The following GABRR3 variants were observed in gnomAD, a reference collection of about 807,000 sequenced individuals.
The protein encoded by GABRR3 is gamma-aminobutyric acid receptor subunit rho-3.
GABRR3 carries 29 observed loss-of-function variants against 43.2 expected under a neutral mutation model. That is an observed-to-expected ratio of 0.67 (90% CI 0.50 to 0.92). GABRR3 has a LOEUF of 0.92. Among genes scored for constraint, GABRR3 ranks in the 40% least tolerant of loss-of-function variants. GABRR3 has a pLI of 0.00. For synonymous variants in GABRR3, 206 were observed against 195.9 expected, an observed-to-expected ratio of 1.05 and a Z score of -0.43; for missense variants, 576 against 572.3, an observed-to-expected ratio of 1.01 and a Z score of -0.07.
At chr3:98,029,677 C>T (rs1296409204) in intron 2 of GABRR3, among the ~76,000 whole-genome samples, 1 of 151,986 alleles carries the variant, frequency 6.6e-6, no homozygotes, top group African/African-American at 2.4e-5. Context: ...ACTAGTTACC[C>T]AAGGGAGGAC....
At chr3:98,027,016 G>A (rs1430482651) in intron 2 of GABRR3, among the ~76,000 whole-genome samples, 1 of 152,130 alleles carries the variant, frequency 6.6e-6, no homozygotes, top group Admixed American at 6.6e-5. Flanking sequence ...AGAAGGCAAT[G>A]AGTTTTATTT....
intron 6 of GABRR3, 142 bp from the exon 7 acceptor site, chr3:98,008,046 C>T (rs1706744351): frequency 3.0e-6 from 2 of 656,144 alleles, no homozygotes; most frequent in South Asian, 2.3e-5. Flanking sequence ...AATATGTTTG[C>T]CAATGGACTG....
intron 9 of GABRR3, among the ~76,000 whole-genome samples, chr3:97,991,399 T>C (rs149660347): frequency 9.3e-4 from 141 of 152,264 alleles, no homozygotes; most frequent in African/African-American, 3.1e-3. Flanking sequence ...AGGACCCGGG[T>C]GATGCCTACG....
At chr3:97,993,131 T>G (rs1398131288) in intron 8 of GABRR3, 83 bp from the exon 9 acceptor site, 1 of 1,109,230 alleles carries the variant, frequency 9.0e-7, no homozygotes, top group Admixed American at 2.7e-5. Flanking sequence ...AGGGGATGCA[T>G]TTCTAGAACA....
rs201490254 is a variant in GABRR3 at position 98,017,638 on chromosome 3, C to T, written c.306+17G>A. ...TGTCTTTTCAGAAAAAGAGCAATAT[C>T]CCATGAAGAAACTTACCATGTTAGT... On this transcript the variant is annotated intron_variant, in intron 4 of 9. Transcript: ENST00000621172. 5.6e-5 allele frequency: 89 copies of T among 1,589,922 alleles called. No individual in the cohort carries two copies. The highest frequency in any genetic ancestry group is 4.1e-4 in the Admixed American group (24 of 58,686).
chr3:98,034,735 C>T, intron 2 of GABRR3, 128 bp downstream of exon 2: 1 of 1,151,282 alleles, frequency 8.7e-7, no homozygotes, highest in South Asian at 1.5e-5. Context: ...AATGCTATCT[C>T]TAGAGACAGA....
chr3:98,030,222 C>T (rs1258630502), intron 2 of GABRR3, among the ~76,000 whole-genome samples: 7 of 151,678 alleles, frequency 4.6e-5, no homozygotes, highest in Non-Finnish European at 1.0e-4. Flanking sequence ...AAAAATATTT[C>T]ATGTGCTTTA....
At chr3:98,004,981 A>G (rs1295281922) in intron 7 of GABRR3, among the ~76,000 whole-genome samples, 1 of 152,106 alleles carries the variant, frequency 6.6e-6, no homozygotes, top group Non-Finnish European at 1.5e-5. Context: ...AACTAAAATA[A>G]GTTTCTAAAT....
intron 8 of GABRR3, chr3:97,998,886 A>G (rs1706595486): frequency 6.6e-6 from 1 of 152,196 alleles, no homozygotes; most frequent in Non-Finnish European, 1.5e-5. Flanking sequence ...TAAGTGAATT[A>G]ATACATATTT....
chr3:97,986,353 T>C (rs1267098619), downstream of GABRR3, among the ~76,000 whole-genome samples: 2 of 152,182 alleles, frequency 1.3e-5, no homozygotes, highest in African/African-American at 2.4e-5. Context: ...CTTTGAATTA[T>C]TGTTATAGTC....
intron 7 of GABRR3, among the ~76,000 whole-genome samples, chr3:98,006,183 T>C (rs888477436): frequency 6.6e-6 from 1 of 152,096 alleles, no homozygotes; most frequent in Non-Finnish European, 1.5e-5. Context: ...TGAGGTAGGA[T>C]TACAAAGAGA....
rs765676985 is a variant in GABRR3 at position 97,986,987 on chromosome 3, CA to C, written c.1105-6del. 1 of 1,541,286 alleles carries C rather than the reference CA, an allele frequency of 6.5e-7. No individual in the cohort carries two copies. Among genetic ancestry groups the C allele is most frequent in the African/African-American group, 1.4e-5 (1 of 71,936 alleles). On this transcript the variant is annotated splice_polypyrimidine_tract_variant and splice_region_variant and intron_variant, in intron 9 of 9. Transcript: ENST00000621172. ...AATATTGTACATCCTAGAAATCTGT[CA>C]AAAAACTTTTTTTTAAAGTAGGTCT...
chr3:97,990,242 T>C (rs1231886362), intron 9 of GABRR3, among the ~76,000 whole-genome samples: 1 of 152,110 alleles, frequency 6.6e-6, no homozygotes, highest in Non-Finnish European at 1.5e-5. Flanking sequence ...GTGAAGTACA[T>C]GGGGAAGAAA....
intron 5 of GABRR3, among the ~76,000 whole-genome samples, chr3:98,012,081 A>G (rs1434694058): frequency 6.6e-6 from 1 of 152,196 alleles, no homozygotes; most frequent in East Asian, 1.9e-4. Flanking sequence ...ATTGTGTGCC[A>G]GATTTTAGGA....
At chr3:97,990,648 A>C (rs1238592751) in intron 9 of GABRR3, among the ~76,000 whole-genome samples, 1 of 152,136 alleles carries the variant, frequency 6.6e-6, no homozygotes, top group African/African-American at 2.4e-5. Context: ...TGCCTGGCCT[A>C]CCATCACTTC....
chr3:97,987,690 T>C (rs1408624672), intron 9 of GABRR3, among the ~76,000 whole-genome samples: 1 of 152,202 alleles, frequency 6.6e-6, no homozygotes, highest in Admixed American at 6.5e-5. Context: ...ATGAAGACTA[T>C]TTTGTGCAGT....
chr3:97,996,591 G>T (rs1389583378), intron 8 of GABRR3, among the ~76,000 whole-genome samples: 1 of 152,130 alleles, frequency 6.6e-6, no homozygotes, highest in African/African-American at 2.4e-5. Context: ...GTAGAGAATG[G>T]CATACCTCAT....
chr3:98,001,398 CAA>C (rs1559775478), intron 8 of GABRR3: 2 of 544,228 alleles, frequency 3.7e-6, no homozygotes, highest in Non-Finnish European at 6.6e-6. Context: ...GGTCAGTCAG[CAA>C]AGACTTCATC....
At chr3:98,011,747 T>C (rs1044562712) in intron 5 of GABRR3, among the ~76,000 whole-genome samples, 1 of 152,148 alleles carries the variant, frequency 6.6e-6, no homozygotes, top group African/African-American at 2.4e-5. Flanking sequence ...AAAGCTGAGT[T>C]GCTTGGGTTT....
Sources: allele counts gnomAD v4.1 joint callset (sites outside exome capture counted in the v4.1 genomes callset), GRCh38; gene constraint gnomAD v4.1.1; transcripts MANE v1.5; gene names NCBI Gene and HGNC (gene_info 2026-07-23, HGNC 2026-07-21).